Variants in EXT2 observed in about 807,000 individuals in gnomAD.
EXT2 encodes the protein exostosin glycosyltransferase 2.
In EXT2, 53 loss-of-function variants were observed where a neutral mutation model predicts 81.6. The observed-to-expected ratio is 0.65, with a 90% CI of 0.52 to 0.82. The LOEUF is 0.82. Ranked by LOEUF, EXT2 falls within the 40% of genes least tolerant of loss-of-function variation. The pLI is 0.00. For missense variants in EXT2, 774 were observed against 910.2 expected (o/e 0.85, Z 1.93); for synonymous variants, 320 against 340.0 (o/e 0.94, Z 0.65).
chr11:44,201,954 T>A (rs1327926590), intron 9 of EXT2, among the ~76,000 whole-genome samples: 1 of 152,224 alleles, frequency 6.6e-6, no homozygotes, highest in Admixed American at 6.5e-5. Flanking sequence ...AGAATGGTAC[T>A]TCTCTTTCAT....
intron 7 of EXT2, among the ~76,000 whole-genome samples, chr11:44,146,416 T>C (rs920781880): frequency 2.6e-5 from 4 of 152,244 alleles, no homozygotes; most frequent in Admixed American, 6.5e-5. Context: ...GTTTTGCTTC[T>C]GACTGGAGTG....
intron 9 of EXT2, among the ~76,000 whole-genome samples, chr11:44,205,235 A>G (rs532783965): frequency 1.1e-3 from 165 of 152,346 alleles, no homozygotes; most frequent in African/African-American, 3.8e-3. Context: ...AGCATCTGGC[A>G]TATATTAGTT....
chr11:44,225,258 T>A (rs1955825940), intron 10 of EXT2, among the ~76,000 whole-genome samples: 1 of 152,190 alleles, frequency 6.6e-6, no homozygotes, highest in Non-Finnish European at 1.5e-5. Flanking sequence ...TAGCTGCTTT[T>A]TGCTTGTGTT....
intron 8 of EXT2, among the ~76,000 whole-genome samples, chr11:44,192,064 A>G (rs2135172257): frequency 6.6e-6 from 1 of 152,356 alleles, no homozygotes. Flanking sequence ...TTCACAATAG[A>G]GCTCTAACCT....
At chr11:44,154,615 T>G (rs762918858) in intron 7 of EXT2, among the ~76,000 whole-genome samples, 28 of 152,200 alleles carry the variant, frequency 1.8e-4, no homozygotes, top group Non-Finnish European at 3.8e-4. Flanking sequence ...TATAGATACC[T>G]CTTCGATATA....
intron 7 of EXT2, among the ~76,000 whole-genome samples, chr11:44,155,324 T>A (rs570483601): frequency 1.1e-4 from 16 of 152,222 alleles, no homozygotes; most frequent in African/African-American, 3.8e-4. Flanking sequence ...TTCCGTGTTA[T>A]TGATAAGTTA....
chr11:44,119,727 CT>C (rs1258307326), intron 4 of EXT2, among the ~76,000 whole-genome samples: 3 of 152,330 alleles, frequency 2.0e-5, no homozygotes, highest in Non-Finnish European at 4.4e-5. Flanking sequence ...ATAAGCAAGC[CT>C]TTCTAAGGAG....
chr11:44,107,018 CTT>C (rs1954065128), intron 1 of EXT2, among the ~76,000 whole-genome samples: 1 of 152,152 alleles, frequency 6.6e-6, no homozygotes, highest in Non-Finnish European at 1.5e-5. Flanking sequence ...AAATAACTGT[CTT>C]TTGCTATTCC....
chr11:44,103,567 T>C (rs781335478), intron 1 of EXT2: 1 of 387,048 alleles, frequency 2.6e-6, no homozygotes, highest in Non-Finnish European at 4.9e-6. Flanking sequence ...CTCTTTTTTT[T>C]CTGAACTCTG....
At chr11:44,221,474 C>T (rs1955781302) in intron 10 of EXT2, among the ~76,000 whole-genome samples, 1 of 152,188 alleles carries the variant, frequency 6.6e-6, no homozygotes, top group Admixed American at 6.5e-5. Context: ...ATATTCCAAC[C>T]CTGAAAGGAT....
intron 10 of EXT2, among the ~76,000 whole-genome samples, chr11:44,230,869 C>T (rs181637833): frequency 2.6e-5 from 4 of 152,292 alleles, no homozygotes; most frequent in Admixed American, 2.6e-4. Context: ...AACACACTGG[C>T]TCTGCCCTAG....
chr11:44,132,392 A>T (rs1206451655), intron 7 of EXT2, among the ~76,000 whole-genome samples: 1 of 152,208 alleles, frequency 6.6e-6, no homozygotes, highest in East Asian at 1.9e-4. Context: ...AAAACAGCGT[A>T]CTTTTGGGTT....
chr11:44,202,177 T>A (rs1459758351), intron 9 of EXT2, among the ~76,000 whole-genome samples: 2 of 152,208 alleles, frequency 1.3e-5, no homozygotes, highest in Non-Finnish European at 2.9e-5. Context: ...ATCATCCTCC[T>A]GGGTCTTCAT....
At chr11:44,180,118 C>T (rs1159033986) in intron 8 of EXT2, among the ~76,000 whole-genome samples, 1 of 152,138 alleles carries the variant, frequency 6.6e-6, no homozygotes, top group Admixed American at 6.5e-5. Context: ...AAAATTAGGG[C>T]CTGTTTTCAA....
At chr11:44,153,676 G>A (rs1440779087) in intron 7 of EXT2, among the ~76,000 whole-genome samples, 1 of 151,904 alleles carries the variant, frequency 6.6e-6, no homozygotes, top group Non-Finnish European at 1.5e-5. Flanking sequence ...ATCAACTAGA[G>A]GAAATTTCCT....
At chr11:44,162,754 A>G (rs1954944235) in intron 7 of EXT2, among the ~76,000 whole-genome samples, 1 of 152,094 alleles carries the variant, frequency 6.6e-6, no homozygotes, top group Non-Finnish European at 1.5e-5. Flanking sequence ...TACTGTCTTT[A>G]TGTAACTGAT....
Position 44,244,259 on chromosome 11 carries a change from A to G in EXT2, c.2129A>G (p.Lys710Arg), listed in dbSNP as rs762848035. The G allele has an allele frequency of 6.2e-7, 1 of 1,613,948 alleles. No individual in the cohort carries two copies. Among genetic ancestry groups the G allele is most frequent in the African/African-American group, 1.3e-5 (1 of 74,918 alleles). Reference protein sequence around the residue: ...LYKDDFPEKLKSFPNIGSL With the variant: ...LYKDDFPEKLRSFPNIGSL ...AAAGATGACTTTCCTGAGAAGCTGA[A>G]GAGCTTCCCCAACATTGGCAGCTTA... The change falls in exon 14 of 14, where the codon AAG becomes AGG. Residue 710 changes from lysine (K) to arginine (R), a missense_variant. Lys to Arg is a conservative substitution (Grantham distance 26, BLOSUM62 2). Around this residue, in one of 2 missense-constraint regions of EXT2, gnomAD observed 148 missense variants for 239.7 expected, o/e 0.62. Transcript: ENST00000533608.
At chr11:44,114,485 C>G (rs183710731) in intron 4 of EXT2, among the ~76,000 whole-genome samples, 184 bp downstream of exon 4, 2 of 152,302 alleles carry the variant, frequency 1.3e-5, no homozygotes, top group Admixed American at 1.3e-4. Flanking sequence ...TCTCTGTCTC[C>G]TTAAATTCAC....
chr11:44,171,462 A>G, intron 7 of EXT2, 149 bp from the exon 8 acceptor site: 1 of 1,135,392 alleles, frequency 8.8e-7, no homozygotes, highest in South Asian at 1.3e-5. Flanking sequence ...GCTGGCTTGA[A>G]CAGCAGGGAG....
Sources: gnomAD v4.1 joint callset for allele counts (sites outside exome capture counted in the v4.1 genomes callset) on GRCh38, gnomAD v4.1.1 for gene constraint, gnomAD v4.1.1 regional missense constraint, MANE v1.5 for transcripts, NCBI Gene and HGNC (gene_info 2026-07-23, HGNC 2026-07-21) for gene names.